GPATCH2: variants seen among roughly 807,000 people sequenced by gnomAD.
GPATCH2 encodes G-patch domain containing 2.
Under a neutral mutation model 58.0 loss-of-function variants are expected in GPATCH2, and 51 were observed. The ratio of observed to expected loss-of-function variants is 0.88; its 90% CI spans 0.70 to 1.11. GPATCH2 has a LOEUF of 1.11. Ranked by LOEUF, GPATCH2 falls within the 50% of genes most tolerant of loss-of-function variation. The pLI, the probability that GPATCH2 is intolerant of heterozygous loss-of-function variation, is 0.00. For synonymous variants in GPATCH2, 222 were observed against 218.5 expected, an observed-to-expected ratio of 1.02 and a Z score of -0.14; for missense variants, 625 against 652.2, an observed-to-expected ratio of 0.96 and a Z score of 0.45.
intron 8 of GPATCH2, among the ~76,000 whole-genome samples, chr1:217,452,227 C>T (rs1659700672): frequency 6.6e-6 from 1 of 152,180 alleles, no homozygotes; most frequent in South Asian, 2.1e-4. Flanking sequence ...ACTTCCTCAT[C>T]TCAGTTATAA....
In GPATCH2 at chr1:217,428,963, A is replaced by G. The variant is rs1003533977; in HGVS notation, c.*2182T>C. 2.0e-5 allele frequency: 3 copies of G among 152,162 alleles called. No individual in the cohort carries two copies. The highest frequency in any genetic ancestry group is 7.2e-5 in the African/African-American group (3 of 41,432). The allele number at this position is 152,162 out of a possible 1,614,324, so 9.4% of individuals were successfully genotyped here. A position where few individuals can be genotyped will look rare whatever the true frequency, so the allele number is the denominator to read the frequency against. On this transcript the variant is annotated 3_prime_UTR_variant, in exon 10 of 10. Coordinates refer to ENST00000366935, the MANE Select transcript of GPATCH2 (RefSeq NM_018040.5). ...GGGTTTTTACTTCCATTAGAACATAATAAGGTGAAAAAGAACAGCCAAGTC... is the reference window on the plus strand; with the variant it reads ...GGGTTTTTACTTCCATTAGAACATAGTAAGGTGAAAAAGAACAGCCAAGTC...
At chr1:217,483,824 T>C (rs1355165874) in intron 8 of GPATCH2, among the ~76,000 whole-genome samples, 1 of 152,206 alleles carries the variant, frequency 6.6e-6, no homozygotes, top group Non-Finnish European at 1.5e-5. Flanking sequence ...TTTAATTGGA[T>C]TGATTTCTTA....
chr1:217,464,456 A>G (rs773511557), intron 8 of GPATCH2, among the ~76,000 whole-genome samples: 2 of 152,220 alleles, frequency 1.3e-5, no homozygotes, highest in Non-Finnish European at 2.9e-5. Context: ...GATGCTAAAC[A>G]TAGGAGGTGT....
At chr1:217,493,670 T>C (rs189825313) in intron 7 of GPATCH2, among the ~76,000 whole-genome samples, 2 of 152,266 alleles carry the variant, frequency 1.3e-5, no homozygotes, top group Admixed American at 1.3e-4. Flanking sequence ...TTAGAAACAC[T>C]TCGTACCATG....
intron 5 of GPATCH2, among the ~76,000 whole-genome samples, chr1:217,545,273 C>T (rs1237789966): frequency 4.6e-5 from 7 of 152,144 alleles, no homozygotes; most frequent in African/African-American, 1.4e-4. Context: ...GAGTGGAGAG[C>T]GACAGTGAAG....
intron 5 of GPATCH2, among the ~76,000 whole-genome samples, chr1:217,559,615 G>A (rs932196996): frequency 2.0e-5 from 3 of 152,138 alleles, no homozygotes; most frequent in African/African-American, 7.2e-5. Flanking sequence ...CTGAAAAGCA[G>A]GCAAGGTGAA....
At chr1:217,619,671 T>C in intron 2 of GPATCH2, 112 bp downstream of exon 2, 1 of 449,310 alleles carries the variant, frequency 2.2e-6, no homozygotes, top group Non-Finnish European at 3.8e-6. Context: ...GTAATATCAC[T>C]ATCATTATTA....
intron 5 of GPATCH2, chr1:217,608,249 A>C: frequency 1.0e-6 from 1 of 975,608 alleles, no homozygotes; most frequent in South Asian, 4.7e-5. Context: ...AAAAATTCAA[A>C]CAAGGACAAT....
intron 5 of GPATCH2, among the ~76,000 whole-genome samples, chr1:217,575,368 C>A (rs1273220813): frequency 6.6e-6 from 1 of 152,106 alleles, no homozygotes; most frequent in Non-Finnish European, 1.5e-5. Context: ...CAACCATTAC[C>A]TTAAAAAGCA....
intron 5 of GPATCH2, among the ~76,000 whole-genome samples, chr1:217,589,594 A>C (rs896732285): frequency 1.3e-5 from 2 of 152,104 alleles, no homozygotes; most frequent in African/African-American, 4.8e-5. Context: ...CCAAGAGTTA[A>C]CTGTACCTAA....
intron 5 of GPATCH2, among the ~76,000 whole-genome samples, chr1:217,588,039 G>A (rs548070124): frequency 6.8e-4 from 104 of 152,166 alleles, no homozygotes; most frequent in African/African-American, 2.4e-3. Context: ...TTCTAGACAG[G>A]TGACTAGGAG....
intron 5 of GPATCH2, chr1:217,609,207 T>TC: frequency 1.0e-6 from 1 of 983,826 alleles, no homozygotes; most frequent in Non-Finnish European, 1.2e-6. Context: ...CATTACATTT[T>TC]CCCCCCAGTT....
chr1:217,450,320 C>G (rs888769967), intron 8 of GPATCH2, among the ~76,000 whole-genome samples: 2 of 151,250 alleles, frequency 1.3e-5, no homozygotes, highest in African/African-American at 4.9e-5. Flanking sequence ...AATTTGAGAA[C>G]AAACAGATTA....
intron 8 of GPATCH2, among the ~76,000 whole-genome samples, chr1:217,456,818 T>G (rs774045696): frequency 6.6e-6 from 1 of 152,162 alleles, no homozygotes; most frequent in Non-Finnish European, 1.5e-5. Context: ...CATATATAGG[T>G]CACCTTTTAA....
intron 8 of GPATCH2, among the ~76,000 whole-genome samples, chr1:217,470,654 G>A (rs1188267595): frequency 6.6e-6 from 1 of 152,106 alleles, no homozygotes; most frequent in Non-Finnish European, 1.5e-5. Context: ...ATGAGAACTG[G>A]CAATGTGAGA....
intron 5 of GPATCH2, among the ~76,000 whole-genome samples, chr1:217,578,090 C>T (rs1379582107): frequency 2.9e-4 from 20 of 70,096 alleles, no homozygotes; most frequent in East Asian, 1.1e-3. Context: ...GGGGGTGGGG[C>T]GGGGGGCGGG....
intron 5 of GPATCH2, among the ~76,000 whole-genome samples, chr1:217,577,551 CT>C (rs1417064673): frequency 6.6e-6 from 1 of 152,082 alleles, no homozygotes; most frequent in East Asian, 1.9e-4. Flanking sequence ...TTAGCTTCAG[CT>C]ATTATAAAAT....
At chr1:217,539,567 C>T (rs1158241869) in intron 5 of GPATCH2, among the ~76,000 whole-genome samples, 1 of 152,132 alleles carries the variant, frequency 6.6e-6, no homozygotes, top group African/African-American at 2.4e-5. Flanking sequence ...CAGTAGCAGA[C>T]CTATGATAAA....
At chr1:217,553,000 G>A (rs1665435783) in intron 5 of GPATCH2, among the ~76,000 whole-genome samples, 1 of 152,034 alleles carries the variant, frequency 6.6e-6, no homozygotes, top group Non-Finnish European at 1.5e-5. Flanking sequence ...ACATATTTAA[G>A]TGATAATAAT....
Sources: gnomAD v4.1 joint callset for allele counts (sites outside exome capture counted in the v4.1 genomes callset) on GRCh38, gnomAD v4.1.1 for gene constraint, MANE v1.5 for transcripts, NCBI Gene and HGNC (gene_info 2026-07-23, HGNC 2026-07-21) for gene names.